Variants in ARHGAP25 observed in about 807,000 individuals in gnomAD.
ARHGAP25 encodes the protein Rho GTPase activating protein 25, also known as rho GTPase-activating protein 25.
Under a neutral mutation model 71.0 loss-of-function variants are expected in ARHGAP25, and 34 were observed. The observed-to-expected ratio is 0.48, with a 90% CI of 0.36 to 0.64. The LOEUF is 0.64. Ranked by LOEUF, ARHGAP25 falls within the 30% of genes least tolerant of loss-of-function variation. The probability of loss-of-function intolerance (pLI) is 0.00; values close to 1 mark genes in which losing one functional copy is unlikely to be tolerated. For synonymous variants in ARHGAP25, 282 were observed against 296.5 expected (o/e 0.95, Z 0.50); for missense variants, 706 against 805.1 (o/e 0.88, Z 1.49).
intron 4 of ARHGAP25, among the ~76,000 whole-genome samples, chr2:68,792,194 C>T (rs1225634703): frequency 5.9e-5 from 9 of 152,200 alleles, no homozygotes; most frequent in Non-Finnish European, 7.3e-5. Context: ...GGAAACAATG[C>T]ATTACATTGT....
intron 6 of ARHGAP25, 122 bp from the exon 7 acceptor site, chr2:68,816,167 G>A (rs766176313): frequency 3.9e-5 from 32 of 825,326 alleles, no homozygotes; most frequent in Non-Finnish European, 6.5e-5. Flanking sequence ...TACAGGAACA[G>A]GAATGACTGC....
Position 68,822,757 on chromosome 2 carries a change from G to A in ARHGAP25, c.1618G>A (p.Gly540Arg). The A allele has an allele frequency of 6.2e-7, 1 of 1,614,156 alleles. No individual in the cohort carries two copies. Among genetic ancestry groups the A allele is most frequent in the Non-Finnish European group, 8.5e-7 (1 of 1,180,028 alleles). ...DTLASPNSETGPGKKNSGEEE... is the reference protein window; with the variant it reads ...DTLASPNSETRPGKKNSGEEE... ...TCTTGCCAGTCCAAACTCTGAAACTGGGCCTGGAAAAAAGAACTCTGGAGA... is the reference window on the plus strand; with the variant it reads ...TCTTGCCAGTCCAAACTCTGAAACTAGGCCTGGAAAAAAGAACTCTGGAGA... The change falls in exon 10 of 11, where the codon GGG becomes AGG. Residue 540 changes from glycine (G) to arginine (R), a missense_variant. Physicochemically the swap from Gly to Arg is moderately radical, Grantham distance 125. Coordinates refer to ENST00000409202, the MANE Select transcript of ARHGAP25 (RefSeq NM_001007231.3).
At chr2:68,750,292 T>G (rs1043771175) in intron 1 of ARHGAP25, among the ~76,000 whole-genome samples, 4 of 150,142 alleles carry the variant, frequency 2.7e-5, no homozygotes, top group Non-Finnish European at 5.9e-5. Context: ...ATGACAGACA[T>G]GAGCCACTGC....
chr2:68,762,005 GACAA>G (rs1307857892), intron 1 of ARHGAP25, among the ~76,000 whole-genome samples: 4 of 152,128 alleles, frequency 2.6e-5, no homozygotes, highest in Non-Finnish European at 4.4e-5. Context: ...CAAATGAACT[GACAA>G]ACAAAATGTG....
intron 1 of ARHGAP25, among the ~76,000 whole-genome samples, chr2:68,746,039 T>G (rs1675791816): frequency 6.6e-6 from 1 of 152,176 alleles, no homozygotes. Flanking sequence ...GGGCCATACC[T>G]CTTAATACTG....
chr2:68,765,371 A>AC (rs1204451529), intron 1 of ARHGAP25, among the ~76,000 whole-genome samples: 3 of 151,732 alleles, frequency 2.0e-5, no homozygotes, highest in African/African-American at 7.3e-5. Flanking sequence ...AAAAAAAAAA[A>AC]AACCCAACAA....
Position 68,723,106 on chromosome 2 carries a change from T to C in ARHGAP25, c.-18+12408T>C, listed in dbSNP as rs182753302. 7.2e-5 allele frequency among the ~76,000 whole-genome samples: 11 copies of C among 152,308 alleles called. No individual in the cohort carries two copies. The East Asian group carries it at 1.9e-3, about 27-fold the overall frequency. ...GGTAATGGTTCATAGGAGTGTAGAA[T>C]ATCCAGCAAATTCCACGATGCTGGG... is the stretch of plus-strand genomic sequence containing the variant. On this transcript the variant is annotated intron_variant and NMD_transcript_variant, in intron 2 of 7. Coordinates refer to the ARHGAP25 transcript ENST00000463483.
chr2:68,774,073 C>T (rs1287650580), intron 1 of ARHGAP25, among the ~76,000 whole-genome samples: 1 of 152,020 alleles, frequency 6.6e-6, no homozygotes, highest in African/African-American at 2.4e-5. Context: ...TTAGCTGTGT[C>T]ATGAGTGGTC....
At chr2:68,815,329 A>AT (rs1681120144) in intron 6 of ARHGAP25, among the ~76,000 whole-genome samples, 1 of 151,670 alleles carries the variant, frequency 6.6e-6, no homozygotes, top group Non-Finnish European at 1.5e-5. Context: ...AAGAAGGTCT[A>AT]TATCTACGGA....
intron 4 of ARHGAP25, among the ~76,000 whole-genome samples, chr2:68,788,802 T>G (rs980721998): frequency 6.6e-6 from 1 of 152,246 alleles, no homozygotes; most frequent in South Asian, 2.1e-4. Context: ...CTGTGTGGCC[T>G]GTTATTTTGG....
chr2:68,713,603 T>C (rs943684311), intron 2 of ARHGAP25, among the ~76,000 whole-genome samples: 1 of 152,256 alleles, frequency 6.6e-6, no homozygotes, highest in Non-Finnish European at 1.5e-5. Context: ...TTCTAGCTTT[T>C]GCCCATTCAG....
chr2:68,826,577 A>T lies in ARHGAP25; in HGVS notation c.*383A>T. 1 of 350,260 alleles carries T rather than the reference A, an allele frequency of 2.9e-6. No individual in the cohort carries two copies. Among genetic ancestry groups the T allele is most frequent in the Non-Finnish European group, 5.6e-6 (1 of 179,810 alleles). The allele number at this position is 350,260 out of a possible 1,614,324, so 21.7% of individuals were successfully genotyped here. A position where few individuals can be genotyped will look rare whatever the true frequency, so the allele number is the denominator to read the frequency against. On this transcript the variant is annotated 3_prime_UTR_variant, in exon 11 of 11. Coordinates refer to ENST00000409202, the MANE Select transcript of ARHGAP25 (RefSeq NM_001007231.3). ...TGTGTGGAACAGCTCACCTTGTCAG[A>T]CAGCCTCAGGGCATCTCTGAGACAC...
chr2:68,795,533 C>T (rs896690829), intron 4 of ARHGAP25, among the ~76,000 whole-genome samples: 3 of 152,118 alleles, frequency 2.0e-5, no homozygotes, highest in African/African-American at 4.8e-5. Context: ...AATGATCATT[C>T]GGTAGCATGT....
intron 2 of ARHGAP25, among the ~76,000 whole-genome samples, chr2:68,723,256 A>G (rs1160395017): frequency 6.6e-6 from 1 of 152,236 alleles, no homozygotes; most frequent in Non-Finnish European, 1.5e-5. Context: ...TGGAAGAGAC[A>G]GACAACTTCA....
At chr2:68,769,016 C>A (rs1384725160) in intron 1 of ARHGAP25, among the ~76,000 whole-genome samples, 3 of 152,278 alleles carry the variant, frequency 2.0e-5, no homozygotes, top group Admixed American at 2.0e-4. Context: ...CTTACCAGAG[C>A]CACTCAAACC....
At chr2:68,822,906 G>T in intron 10 of ARHGAP25, 34 bp downstream of exon 10, 2 of 1,557,880 alleles carry the variant, frequency 1.3e-6, no homozygotes, top group Non-Finnish European at 1.7e-6. Flanking sequence ...AGAGGCACTT[G>T]GCTTCCATCT....
intron 2 of ARHGAP25, among the ~76,000 whole-genome samples, chr2:68,780,863 G>A (rs764776044): frequency 2.6e-5 from 4 of 152,088 alleles, no homozygotes; most frequent in South Asian, 2.1e-4. Context: ...CATCTCCATC[G>A]GTACTTTGTT....
At chr2:68,720,329 AAAAAGAAAAG>A (rs1553391459) in intron 2 of ARHGAP25, among the ~76,000 whole-genome samples, 1 of 149,496 alleles carries the variant, frequency 6.7e-6, no homozygotes, top group African/African-American at 2.5e-5. Flanking sequence ...AAAAAAAAAA[AAAAAGAAAAG>A]AAAAGAAAAG....
chr2:68,785,084 G>A (rs1405061454), intron 3 of ARHGAP25, among the ~76,000 whole-genome samples: 1 of 152,164 alleles, frequency 6.6e-6, no homozygotes, highest in Non-Finnish European at 1.5e-5. Flanking sequence ...AGGTCAAGGA[G>A]GCCAGTGTGG....
Sources: gnomAD v4.1 joint callset for allele counts (sites outside exome capture counted in the v4.1 genomes callset) on GRCh38, gnomAD v4.1.1 for gene constraint, MANE v1.5 for transcripts, NCBI Gene and HGNC (gene_info 2026-07-23, HGNC 2026-07-21) for gene names.